DAB1: variants seen among roughly 807,000 people sequenced by gnomAD.
DAB1 encodes the protein disabled homolog 1.
A neutral mutation model predicts 64.6 loss-of-function variants in DAB1; 15 were observed. The observed-to-expected ratio is 0.23, with a 90% CI of 0.16 to 0.36. The LOEUF is 0.36. Ranked by LOEUF, DAB1 falls within the 10% of genes least tolerant of loss-of-function variation. The pLI, the probability that DAB1 is intolerant of heterozygous loss-of-function variation, is 1.00. For synonymous variants in DAB1, 235 were observed against 251.9 expected (o/e 0.93, Z 0.64); for missense variants, 596 against 706.7 (o/e 0.84, Z 1.78).
rs558630388 is a variant in DAB1 at position 58,343,715 on chromosome 1, C to T, written n.258-312G>A. Among the ~76,000 whole-genome samples, 3 of 152,310 alleles carry T rather than the reference C, an allele frequency of 2.0e-5. No individual in the cohort carries two copies. The South Asian group carries it at 6.2e-4, about 32-fold the overall frequency. On this transcript the variant is annotated intron_variant and non_coding_transcript_variant, in intron 3 of 20. Transcript: ENST00000485760. ...CTCTAATCTATTTGAGTCATTTACT[C>T]TATTTCTCATCTTGTCTTCTCTATT...
At chr1:57,906,945 T>C (rs563683015) in intron 5 of DAB1, among the ~76,000 whole-genome samples, 1 of 105,564 alleles carries the variant, frequency 9.5e-6, no homozygotes, top group East Asian at 2.6e-4. Context: ...TGCAGATAGA[T>C]AGATAGATAG....
chr1:58,418,551 T>C (rs894992494), intron 3 of DAB1, among the ~76,000 whole-genome samples: 2 of 151,840 alleles, frequency 1.3e-5, no homozygotes, highest in Admixed American at 1.3e-4. Context: ...TAAGACCTAG[T>C]TTTTGTCATT....
chr1:58,505,889 A>T (rs954924431), intron 3 of DAB1, among the ~76,000 whole-genome samples: 2 of 152,248 alleles, frequency 1.3e-5, no homozygotes, highest in Non-Finnish European at 2.9e-5. Flanking sequence ...ACTTGTGGAC[A>T]AGCAGAATTT....
chr1:58,040,580 T>C (rs1301522745), intron 5 of DAB1, among the ~76,000 whole-genome samples: 2 of 152,228 alleles, frequency 1.3e-5, no homozygotes, highest in African/African-American at 4.8e-5. Context: ...TATTTTGACC[T>C]TATAAAACTG....
chr1:58,408,007 T>C (rs1388138018), intron 3 of DAB1, among the ~76,000 whole-genome samples: 1 of 152,212 alleles, frequency 6.6e-6, no homozygotes, highest in Non-Finnish European at 1.5e-5. Context: ...ACTGACTCTC[T>C]GTTTCTCTAA....
upstream of DAB1, among the ~76,000 whole-genome samples, chr1:57,888,429 T>C (rs1337759944): frequency 6.6e-6 from 1 of 152,166 alleles, no homozygotes. Context: ...CACCTTCCAT[T>C]GTGGAAGTCA....
intron 1 of DAB1, among the ~76,000 whole-genome samples, chr1:57,350,504 A>G (rs1210537089): frequency 1.3e-5 from 2 of 152,106 alleles, no homozygotes; most frequent in Non-Finnish European, 2.9e-5. Context: ...TCCTGCTCCC[A>G]CTTGGCCCCG....
chr1:58,017,103 G>A (rs1432680815), intron 5 of DAB1, among the ~76,000 whole-genome samples: 1 of 152,030 alleles, frequency 6.6e-6, no homozygotes, highest in East Asian at 1.9e-4. Flanking sequence ...TGAAAGCCCA[G>A]GTTCTCCTCA....
At chr1:58,121,110 G>T (rs1001612241) in intron 5 of DAB1, among the ~76,000 whole-genome samples, 28 of 152,004 alleles carry the variant, frequency 1.8e-4, no homozygotes, top group African/African-American at 6.8e-4. Context: ...AGGAAAATGG[G>T]ATCTTTGATT....
rs1645804388 is a variant in DAB1 at position 57,000,217 on chromosome 1, A to T, written c.*16-2089T>A. On this transcript the variant is annotated intron_variant, in intron 14 of 14. Transcript: ENST00000371236. Reference sequence around the variant, plus strand: ...CACCACCACGCCCGGCTAATTTTTTATATTTTTTAGTACAGACAGGGTTTC... The same window carrying T: ...CACCACCACGCCCGGCTAATTTTTTTTATTTTTTAGTACAGACAGGGTTTC... Among the ~76,000 whole-genome samples the T allele has an allele frequency of 2.0e-5, 3 of 151,502 alleles. No homozygotes were observed. In the South Asian group the frequency reaches 6.3e-4, roughly 32 times the overall value.
At chr1:58,481,948 G>A (rs1162732572) in intron 3 of DAB1, among the ~76,000 whole-genome samples, 3 of 152,176 alleles carry the variant, frequency 2.0e-5, no homozygotes, top group African/African-American at 7.2e-5. Context: ...CTAGTCTCAG[G>A]TATGTTTCAT....
intron 6 of DAB1, among the ~76,000 whole-genome samples, chr1:57,669,099 G>A (rs1355111514): frequency 6.6e-6 from 1 of 152,016 alleles, no homozygotes; most frequent in Non-Finnish European, 1.5e-5. Context: ...GACCACAGGA[G>A]GTACCTGAAA....
At chr1:58,113,287 G>C (rs1652093701) in intron 5 of DAB1, among the ~76,000 whole-genome samples, 1 of 152,134 alleles carries the variant, frequency 6.6e-6, no homozygotes, top group Non-Finnish European at 1.5e-5. Context: ...ATTGGTTGGA[G>C]GGTGCGTGGG....
chr1:58,111,126 A>G (rs892799006), intron 5 of DAB1, among the ~76,000 whole-genome samples: 3 of 152,196 alleles, frequency 2.0e-5, no homozygotes, highest in African/African-American at 7.2e-5. Context: ...AAATAGCACA[A>G]GTCTCTGCAA....
At chr1:58,316,842 A>G (rs1662568525) in intron 4 of DAB1, among the ~76,000 whole-genome samples, 1 of 152,202 alleles carries the variant, frequency 6.6e-6, no homozygotes, top group South Asian at 2.1e-4. Flanking sequence ...TATTCTTAAC[A>G]GCATTTGTAA....
intron 6 of DAB1, among the ~76,000 whole-genome samples, chr1:57,725,250 A>G (rs755075509): frequency 2.6e-5 from 4 of 152,226 alleles, no homozygotes; most frequent in Non-Finnish European, 5.9e-5. Flanking sequence ...AGGAACGATT[A>G]CTTGCTCCCC....
intron 1 of DAB1, among the ~76,000 whole-genome samples, chr1:57,338,510 G>C (rs1449492423): frequency 6.6e-6 from 1 of 152,074 alleles, no homozygotes; most frequent in Non-Finnish European, 1.5e-5. Context: ...ATATCTATCT[G>C]GTAGACTGAA....
intron 6 of DAB1, among the ~76,000 whole-genome samples, chr1:57,747,188 C>T (rs1648317687): frequency 2.0e-5 from 3 of 152,136 alleles, no homozygotes; most frequent in South Asian, 4.1e-4. Flanking sequence ...CATTTAAGTT[C>T]TCCCAAAGTT....
chr1:57,903,603 T>C lies in DAB1; in HGVS notation n.388-19441A>G, dbSNP rs576185526. ...CTTTATTCCCGATATTCCCAAGAAA[T>C]GAAGTCACAAGGAGGAATCAGAAAC... On this transcript the variant is annotated intron_variant and non_coding_transcript_variant, in intron 5 of 20. Transcript: ENST00000485760. 7.2e-5 allele frequency among the ~76,000 whole-genome samples: 11 copies of C among 152,254 alleles called. No homozygotes were observed. In the East Asian group the frequency reaches 2.1e-3, roughly 29 times the overall value.
Sources: gnomAD v4.1 joint callset for allele counts (sites outside exome capture counted in the v4.1 genomes callset) on GRCh38, gnomAD v4.1.1 for gene constraint, MANE v1.5 for transcripts, NCBI Gene and HGNC (gene_info 2026-07-23, HGNC 2026-07-21) for gene names.